RGS6: variants seen among roughly 807,000 people sequenced by gnomAD.
The protein encoded by RGS6 is regulator of G protein signaling 6.
In RGS6, 30 loss-of-function variants were observed where a neutral mutation model predicts 78.5. The ratio of observed to expected loss-of-function variants is 0.38; its 90% confidence interval spans 0.29 to 0.52. RGS6 has a LOEUF of 0.52. Ranked by LOEUF, RGS6 falls within the 20% of genes least tolerant of loss-of-function variation. The probability of loss-of-function intolerance (pLI) is 0.85; values close to 1 mark genes in which losing one functional copy is unlikely to be tolerated. For synonymous variants in RGS6, 206 were observed against 206.0 expected, an observed-to-expected ratio of 1.00 and a Z score of 0.00; for missense variants, 495 against 609.7, an observed-to-expected ratio of 0.81 and a Z score of 1.98.
rs115468780 is a variant in RGS6 at position 72,045,229 on chromosome 14, G to A, written c.84+80354G>A. On this transcript the variant is annotated intron_variant, in intron 2 of 17. Transcript: ENST00000553525. Reference sequence around the variant, plus strand: ...CATAGTTATTTTAAATTTCCTATCCGATAAGTCCAGTATTTATCTGGTTTG... The same window carrying A: ...CATAGTTATTTTAAATTTCCTATCCAATAAGTCCAGTATTTATCTGGTTTG... Among the ~76,000 whole-genome samples the A allele has an allele frequency of 3.5e-3, 538 of 152,202 alleles. 3 individuals carry two copies. Among genetic ancestry groups the A allele is most frequent in the African/African-American group, 0.013 (520 of 41,518 alleles).
intron 2 of RGS6, among the ~76,000 whole-genome samples, chr14:72,155,030 C>T (rs567012108): frequency 6.6e-6 from 1 of 152,204 alleles, no homozygotes; most frequent in Non-Finnish European, 1.5e-5. Context: ...ACAATTTCAC[C>T]GTTAGGTGGT....
Position 72,269,991 on chromosome 14 carries a change from A to AG in RGS6, c.85-82098dup, listed in dbSNP as rs1375734627. Among the ~76,000 whole-genome samples the AG allele has an allele frequency of 2.0e-5, 3 of 152,210 alleles. No individual in the cohort carries two copies. The East Asian group carries it at 5.8e-4, about 29-fold the overall frequency. ...TGCCCTCAGGAAGTTTACGTTTTGA[A>AG]GGGGGGATACAACAAAAAGCTAGAA... is the stretch of plus-strand genomic sequence containing the variant. On this transcript the variant is annotated intron_variant, in intron 2 of 17. Coordinates refer to ENST00000553525, the MANE Select transcript of RGS6 (RefSeq NM_001204424.2).
rs1445443992 is a variant in RGS6 at position 72,296,705 on chromosome 14, A to G, written c.85-55390A>G. On this transcript the variant is annotated intron_variant, in intron 2 of 17. Coordinates refer to ENST00000553525, the MANE Select transcript of RGS6 (RefSeq NM_001204424.2). ...ATTGTAGGAGTTCTTTGTAAGATAC[A>G]GGTCTGGGAAATATTTTCTCCCAAT... Among the ~76,000 whole-genome samples, 5 of 152,296 alleles carry G rather than the reference A, an allele frequency of 3.3e-5. No homozygotes were observed. In the East Asian group the frequency reaches 9.6e-4, roughly 29 times the overall value.
chr14:72,289,236 T>A (rs1310028780), intron 2 of RGS6, among the ~76,000 whole-genome samples: 1 of 152,116 alleles, frequency 6.6e-6, no homozygotes, highest in East Asian at 1.9e-4. Flanking sequence ...AGGCCGTATC[T>A]CCTAACCTGC....
At chr14:72,021,316 T>C (rs1388810741) in intron 2 of RGS6, among the ~76,000 whole-genome samples, 1 of 152,170 alleles carries the variant, frequency 6.6e-6, no homozygotes, top group Non-Finnish European at 1.5e-5. Flanking sequence ...TCTTAGCTGC[T>C]AGTCTTGCTC....
chr14:72,137,969 A>G lies in RGS6; in HGVS notation c.84+173094A>G, dbSNP rs1201590266. On this transcript the variant is annotated intron_variant, in intron 2 of 17. Transcript: ENST00000553525. ...ATATGGTTGGTTCCCCTGGCAACCA[A>G]CCCCCATCCTGAGGCTATCCAGGAG... Among the ~76,000 whole-genome samples, 6 of 149,502 alleles carry G rather than the reference A, an allele frequency of 4.0e-5. No individual in the cohort carries two copies. In the South Asian group the frequency reaches 6.5e-4, roughly 16 times the overall value.
the RGS6 span, among the ~76,000 whole-genome samples, chr14:72,609,252 T>A: frequency 1.3e-5 from 2 of 152,096 alleles, no homozygotes; most frequent in Admixed American, 1.3e-4. Flanking sequence ...ACATTCTTCA[T>A]CTCATCAGCG....
chr14:72,068,363 G>GAGCTCAGGCCATCTGTCC, intron 2 of RGS6, among the ~76,000 whole-genome samples: 1 of 151,964 alleles, frequency 6.6e-6, no homozygotes, highest in Non-Finnish European at 1.5e-5. Flanking sequence ...TTGAACTTGT[G>GAGCTCAGGCCATCTGTCC]AGCTCAGGCC....
At chr14:72,356,051 C>T (rs1409006741) in intron 3 of RGS6, among the ~76,000 whole-genome samples, 2 of 152,160 alleles carry the variant, frequency 1.3e-5, no homozygotes, top group Non-Finnish European at 2.9e-5. Flanking sequence ...TGAGATCACT[C>T]TATTATATTC....
At chr14:71,940,532 A>C (rs2090355475) in intron 1 of RGS6, among the ~76,000 whole-genome samples, 1 of 152,188 alleles carries the variant, frequency 6.6e-6, no homozygotes, top group Non-Finnish European at 1.5e-5. Context: ...ACCATGATTA[A>C]TTAGCCAATG....
At chr14:72,423,744 G>T (rs1487717285) in intron 3 of RGS6, among the ~76,000 whole-genome samples, 1 of 152,112 alleles carries the variant, frequency 6.6e-6, no homozygotes, top group Non-Finnish European at 1.5e-5. Context: ...TGAGTGACGG[G>T]ATCATTTGTC....
At chr14:72,429,057 C>A (rs1444536464) in intron 3 of RGS6, among the ~76,000 whole-genome samples, 3 of 152,144 alleles carry the variant, frequency 2.0e-5, no homozygotes, top group Non-Finnish European at 2.9e-5. Flanking sequence ...AAAAAAGTTT[C>A]CAGGTGTAGT....
At position 72,240,299 on chromosome 14, in the gene RGS6, A is replaced by G. The variant is rs1016114407; in HGVS notation, c.85-111796A>G. ...CCTCATTGATAGTAAACCAGTGAGT[A>G]GGCAAGTCAACTGTGAGTTAATCGG... On this transcript the variant is annotated intron_variant, in intron 2 of 17. Coordinates refer to ENST00000553525, the MANE Select transcript of RGS6 (RefSeq NM_001204424.2). 3.9e-5 allele frequency among the ~76,000 whole-genome samples: 6 copies of G among 152,336 alleles called. No homozygotes were observed. The East Asian group carries it at 1.2e-3, about 29-fold the overall frequency.
intron 2 of RGS6, among the ~76,000 whole-genome samples, chr14:72,018,910 A>AT (rs1383730762): frequency 6.6e-6 from 1 of 152,150 alleles, no homozygotes; most frequent in Non-Finnish European, 1.5e-5. Context: ...TGAATTTAAA[A>AT]ATATATATAA....
intron 1 of RGS6, among the ~76,000 whole-genome samples, chr14:71,958,020 C>CATAT (rs34880009): frequency 5.3e-4 from 80 of 149,920 alleles, no homozygotes; most frequent in Middle Eastern, 3.5e-3. Context: ...CTCATGCATG[C>CATAT]ATATATATAT....
At chr14:72,321,297 A>AT (rs1482921186) in intron 2 of RGS6, among the ~76,000 whole-genome samples, 7 of 152,068 alleles carry the variant, frequency 4.6e-5, no homozygotes, top group Non-Finnish European at 8.8e-5. Context: ...AGAGTAGAAG[A>AT]TTTTTTTAAA....
intron 2 of RGS6, among the ~76,000 whole-genome samples, chr14:72,000,397 G>T (rs1595891445): frequency 6.6e-6 from 1 of 152,138 alleles, no homozygotes; most frequent in African/African-American, 2.4e-5. Flanking sequence ...TGTGGGTAAA[G>T]TAATGGGCCC....
chr14:72,232,544 T>C (rs1199294488), intron 2 of RGS6, among the ~76,000 whole-genome samples: 1 of 152,232 alleles, frequency 6.6e-6, no homozygotes, highest in Non-Finnish European at 1.5e-5. Flanking sequence ...AGAATGAAGA[T>C]AACTCTCTTG....
chr14:71,959,891 G>T (rs746864791), intron 1 of RGS6, among the ~76,000 whole-genome samples: 7 of 152,194 alleles, frequency 4.6e-5, no homozygotes, highest in Non-Finnish European at 8.8e-5. Flanking sequence ...CAGGCAAGGA[G>T]CTGGAAACGT....
Sources: gnomAD v4.1 joint callset for allele counts (sites outside exome capture counted in the v4.1 genomes callset) on GRCh38, gnomAD v4.1.1 for gene constraint, MANE v1.5 for transcripts, NCBI Gene and HGNC (gene_info 2026-07-23, HGNC 2026-07-21) for gene names.